MYO5B: variants seen among roughly 807,000 people sequenced by gnomAD.
The protein encoded by MYO5B is myosin VB.
In MYO5B, 143 loss-of-function variants were observed where a neutral mutation model predicts 229.3. That is an observed-to-expected ratio of 0.62 (90% confidence interval 0.54 to 0.72). MYO5B has a LOEUF of 0.72. Among genes scored for constraint, MYO5B ranks in the 30% least tolerant of loss-of-function variants. The pLI, the probability that MYO5B is intolerant of heterozygous loss-of-function variation, is 0.00. For missense variants in MYO5B, 2,321 were observed against 2,331.0 expected (o/e 1.00, Z 0.09); for synonymous variants, 918 against 885.2 (o/e 1.04, Z -0.66).
chr18:49,902,644 C>T lies in MYO5B; in HGVS notation c.2761G>A (p.Val921Met), dbSNP rs775333298. Residue 921 changes from valine (V) to methionine (M), a missense_variant, in exon 21 of 40, where the codon GTG becomes ATG. This residue lies in a region of MYO5B where 2,113 missense variants were observed against 2,044.7 expected (regional missense o/e 1.03). Transcript: ENST00000285039. ...TGGACCACCTTGTTCTCCATGCCCA[C>T]GTTGAGACGTTTCAGATGCTCTGCT... ...RSAEHLKRLN[V>M]GMENKVVQLQ... The T allele has an allele frequency of 6.2e-6, 10 of 1,613,408 alleles. No individual in the cohort carries two copies. Among genetic ancestry groups the T allele is most frequent in the South Asian group, 4.4e-5 (4 of 91,076 alleles).
intron 1 of MYO5B, among the ~76,000 whole-genome samples, chr18:50,161,725 G>A (rs1221843458): frequency 6.6e-6 from 1 of 152,204 alleles, no homozygotes; most frequent in Non-Finnish European, 1.5e-5. Flanking sequence ...CCACTATGGG[G>A]CAACCAGGAA....
At chr18:50,022,266 A>G (rs1237791600) in intron 4 of MYO5B, among the ~76,000 whole-genome samples, 1 of 152,230 alleles carries the variant, frequency 6.6e-6, no homozygotes, top group African/African-American at 2.4e-5. Flanking sequence ...GGGAAGATGT[A>G]TAACTCCGCT....
At chr18:50,094,883 A>C (rs185026734) in intron 1 of MYO5B, among the ~76,000 whole-genome samples, 1 of 152,278 alleles carries the variant, frequency 6.6e-6, no homozygotes, top group Non-Finnish European at 1.5e-5. Context: ...CCTTGAGTGC[A>C]GTGATGTGAT....
intron 14 of MYO5B, among the ~76,000 whole-genome samples, chr18:49,945,927 G>A (rs1017849617): frequency 7.2e-5 from 11 of 152,174 alleles, no homozygotes; most frequent in African/African-American, 2.4e-4. Flanking sequence ...AGATGCCATT[G>A]TGATTCATGC....
chr18:50,008,318 C>A (rs1257166837), intron 4 of MYO5B, among the ~76,000 whole-genome samples: 2 of 152,160 alleles, frequency 1.3e-5, no homozygotes, highest in African/African-American at 4.8e-5. Context: ...CCCACTAGAA[C>A]CTAAATCCTA....
chr18:49,942,381 A>G (rs2025324001), intron 14 of MYO5B, among the ~76,000 whole-genome samples: 2 of 77,682 alleles, frequency 2.6e-5, no homozygotes, highest in South Asian at 8.6e-4. Context: ...TCTGCACAGC[A>G]AAAAAAAAAA....
chr18:50,147,626 T>C (rs1278302706), intron 1 of MYO5B, among the ~76,000 whole-genome samples: 1 of 152,228 alleles, frequency 6.6e-6, no homozygotes, highest in Non-Finnish European at 1.5e-5. Context: ...GATCCCATTA[T>C]GGCTTTCCAT....
At chr18:49,981,795 C>T (rs1022641135) in intron 8 of MYO5B, among the ~76,000 whole-genome samples, 1 of 152,134 alleles carries the variant, frequency 6.6e-6, no homozygotes, top group Non-Finnish European at 1.5e-5. Flanking sequence ...TAAAAATCCC[C>T]CCCAAAAAAC....
chr18:49,847,364 G>A (rs555308543), intron 32 of MYO5B, 75 bp from the exon 33 acceptor site: 106 of 1,553,316 alleles, frequency 6.8e-5, no homozygotes, highest in South Asian at 3.8e-4. Context: ...CATCTCTGGC[G>A]GGTGGAGGAT....
At chr18:49,978,058 G>T (rs900018268) in intron 9 of MYO5B, among the ~76,000 whole-genome samples, 10 of 152,186 alleles carry the variant, frequency 6.6e-5, no homozygotes, top group African/African-American at 1.2e-4. Context: ...GACCAGCCTA[G>T]ACCACAAACC....
chr18:49,979,792 C>G (rs1382006103), intron 9 of MYO5B, among the ~76,000 whole-genome samples: 2 of 152,242 alleles, frequency 1.3e-5, no homozygotes, highest in Non-Finnish European at 2.9e-5. Flanking sequence ...CTTTTCCCAA[C>G]ACCATTAAAT....
chr18:50,100,352 G>A (rs767224883), intron 1 of MYO5B, among the ~76,000 whole-genome samples: 2 of 152,218 alleles, frequency 1.3e-5, no homozygotes, highest in Non-Finnish European at 2.9e-5. Context: ...GCAAAAGCTT[G>A]AGAGAATAAC....
chr18:49,928,533 A>G (rs2025154841), intron 17 of MYO5B, among the ~76,000 whole-genome samples: 1 of 152,238 alleles, frequency 6.6e-6, no homozygotes, highest in African/African-American at 2.4e-5. Context: ...AGTCCCAGCT[A>G]CACAGGAGAC....
intron 1 of MYO5B, among the ~76,000 whole-genome samples, chr18:50,160,086 A>C (rs1475552908): frequency 1.3e-5 from 2 of 152,254 alleles, no homozygotes; most frequent in Non-Finnish European, 2.9e-5. Flanking sequence ...GCTAACACGC[A>C]CAACGTACCA....
intron 5 of MYO5B, among the ~76,000 whole-genome samples, chr18:49,998,152 TC>T (rs546447898): frequency 1.0e-3 from 156 of 152,292 alleles, no homozygotes; most frequent in African/African-American, 3.5e-3. Flanking sequence ...CTATAATTCT[TC>T]CTTTCCATGT....
intron 4 of MYO5B, among the ~76,000 whole-genome samples, chr18:50,008,115 A>T (rs537417090): frequency 6.6e-6 from 1 of 152,210 alleles, no homozygotes; most frequent in Non-Finnish European, 1.5e-5. Flanking sequence ...AGCCTTTAAC[A>T]AATCCCTCCA....
intron 10 of MYO5B, among the ~76,000 whole-genome samples, chr18:49,966,505 C>G (rs1043805113): frequency 6.6e-6 from 1 of 152,124 alleles, no homozygotes; most frequent in South Asian, 2.1e-4. Context: ...CGATCCTCCA[C>G]CCTGAGAGAA....
chr18:50,190,515 T>C (rs2033212053), intron 1 of MYO5B, among the ~76,000 whole-genome samples: 1 of 152,160 alleles, frequency 6.6e-6, no homozygotes, highest in Non-Finnish European at 1.5e-5. Context: ...TCTTTCTCCA[T>C]CCAGAAAAAC....
chr18:49,987,419 T>C (rs947656099), intron 7 of MYO5B, among the ~76,000 whole-genome samples: 5 of 152,186 alleles, frequency 3.3e-5, no homozygotes, highest in African/African-American at 4.8e-5. Flanking sequence ...GCAGCCCTCC[T>C]TTCAGGCCCA....
Sources: allele counts gnomAD v4.1 joint callset (sites outside exome capture counted in the v4.1 genomes callset), GRCh38; gene constraint gnomAD v4.1.1; regional missense constraint gnomAD v4.1.1; transcripts MANE v1.5; gene names NCBI Gene and HGNC (gene_info 2026-07-23, HGNC 2026-07-21).